NRG1: variants seen among roughly 807,000 people sequenced by gnomAD.
NRG1 encodes pro-neuregulin-1, membrane-bound isoform.
A neutral mutation model predicts 63.8 loss-of-function variants in NRG1; 18 were observed. That is an observed-to-expected ratio of 0.28 (90% CI 0.19 to 0.42). NRG1 has a LOEUF of 0.42. Among genes scored for constraint, NRG1 ranks in the 10% least tolerant of loss-of-function variants. NRG1 has a pLI of 1.00. For synonymous variants in NRG1, 302 were observed against 301.3 expected (o/e 1.00, Z -0.02); for missense variants, 762 against 814.7 (o/e 0.94, Z 0.79).
At chr8:32,155,890 TTCAAATTTATCCAC>T (rs1430245683) in intron 1 of NRG1, among the ~76,000 whole-genome samples, 2 of 152,218 alleles carry the variant, frequency 1.3e-5, no homozygotes, top group Non-Finnish European at 2.9e-5. Flanking sequence ...CCTGATGTCT[TTCAAATTTATCCAC>T]TTTTCTCTCT....
At chr8:32,356,474 A>ACCCCCCCCCCCCCCCCCCCGC (rs11426642) in intron 1 of NRG1, among the ~76,000 whole-genome samples, 1 of 69,324 alleles carries the variant, frequency 1.4e-5, no homozygotes, top group Non-Finnish European at 2.9e-5. Flanking sequence ...CCTTGTTGGG[A>ACCCCCCCCCCCCCCCCCCCGC]CCCCCCCCCC....
At chr8:32,047,538 A>T (rs1185292485) in intron 1 of NRG1, among the ~76,000 whole-genome samples, 1 of 151,990 alleles carries the variant, frequency 6.6e-6, no homozygotes, top group African/African-American at 2.4e-5. Flanking sequence ...GTATGGAAAA[A>T]TTTCCTATTA....
rs72634878 is a variant in NRG1, at chr8:32,671,923, T to C, written c.502+55038T>C. On this transcript the variant is annotated intron_variant, in intron 5 of 11. Transcript: ENST00000356819. ...CATTTTTGTGTTACTTTTCCAAACC[T>C]CCTTTTGGCACTGAATTGTACTTTA... is the stretch of plus-strand genomic sequence containing the variant. 6.0e-3 allele frequency among the ~76,000 whole-genome samples: 919 copies of C among 152,276 alleles called. 5 individuals carry two copies. Among genetic ancestry groups the C allele is most frequent in the Non-Finnish European group, 0.01 (692 of 68,012 alleles).
At chr8:32,550,001 A>G (rs1032260509) in intron 1 of NRG1, among the ~76,000 whole-genome samples, 2 of 152,218 alleles carry the variant, frequency 1.3e-5, no homozygotes, top group Non-Finnish European at 2.9e-5. Context: ...AATACTGTAG[A>G]AGTATTTGTC....
chr8:32,079,565 G>T (rs2131135450), intron 1 of NRG1, among the ~76,000 whole-genome samples: 1 of 152,200 alleles, frequency 6.6e-6, no homozygotes, highest in East Asian at 1.9e-4. Context: ...AAATGTAAAT[G>T]TTCTTTAAAA....
chr8:31,800,612 A>G (rs999361101), intron 1 of NRG1, among the ~76,000 whole-genome samples: 2 of 152,326 alleles, frequency 1.3e-5, no homozygotes, highest in South Asian at 2.1e-4. Context: ...TTGCTAAACA[A>G]ACATTTCTAA....
At chr8:31,986,474 G>A (rs1378830042) in intron 1 of NRG1, among the ~76,000 whole-genome samples, 2 of 152,086 alleles carry the variant, frequency 1.3e-5, no homozygotes, top group Non-Finnish European at 2.9e-5. Flanking sequence ...AACCGGTAAA[G>A]GGTAGAATTG....
Position 32,343,406 on chromosome 8 carries a change from T to A in NRG1, c.38-252422T>A, listed in dbSNP as rs556819771. Among the ~76,000 whole-genome samples the A allele has an allele frequency of 1.2e-3, 183 of 152,358 alleles. 1 individual carries two copies. The highest frequency in any genetic ancestry group is 4.3e-3 in the African/African-American group (180 of 41,596). ...TTTTACACCTTCAAATTTATAAACC[T>A]AGTATGAAGTCCCATCTAGACTAAC... On this transcript the variant is annotated intron_variant, in intron 1 of 10. Coordinates refer to the NRG1 transcript ENST00000519301.
In NRG1 at chr8:32,696,656, CTTTT is replaced by C. The variant is rs143232293; in HGVS notation, c.503-31274_503-31271del. 4.4e-3 allele frequency among the ~76,000 whole-genome samples: 377 copies of C among 86,570 alleles called. 3 individuals are homozygous for C. The highest frequency in any genetic ancestry group is 0.014 in the African/African-American group (332 of 23,154). The allele number at this position is 86,570 out of a possible 152,430, so 56.8% of individuals were successfully genotyped here. ...AAGGTTAAAATACAATATAATCTATCTTTTTTTTTTTTTTTTTTTTTTGACACAG... is the reference window on the plus strand; with the variant it reads ...AAGGTTAAAATACAATATAATCTATCTTTTTTTTTTTTTTTTTTGACACAG... On this transcript the variant is annotated intron_variant, in intron 5 of 11. Coordinates refer to ENST00000356819, the Ensembl canonical transcript of NRG1.
chr8:32,054,627 C>T (rs970661404), intron 1 of NRG1, among the ~76,000 whole-genome samples: 1 of 152,096 alleles, frequency 6.6e-6, no homozygotes, highest in African/African-American at 2.4e-5. Flanking sequence ...GATTTATCTG[C>T]TGTTATGGTG....
chr8:32,444,864 G>A (rs1405246063), intron 1 of NRG1, among the ~76,000 whole-genome samples: 2 of 152,208 alleles, frequency 1.3e-5, no homozygotes, highest in Non-Finnish European at 2.9e-5. Flanking sequence ...TAGAGGAAGA[G>A]ATGGGACTGA....
intron 1 of NRG1, among the ~76,000 whole-genome samples, chr8:32,103,224 C>T (rs567451268): frequency 6.6e-6 from 1 of 152,172 alleles, no homozygotes; most frequent in Non-Finnish European, 1.5e-5. Flanking sequence ...CTTCCATTCT[C>T]TATCTCCATG....
chr8:32,136,757 C>T (rs1835582632), intron 1 of NRG1: 2 of 152,056 alleles, frequency 1.3e-5, no homozygotes, highest in Admixed American at 6.6e-5. Flanking sequence ...GATAGGTAAG[C>T]CCGCATATTT....
intron 1 of NRG1, among the ~76,000 whole-genome samples, chr8:32,187,861 A>G (rs553257693): frequency 1.4e-4 from 22 of 152,278 alleles, no homozygotes; most frequent in African/African-American, 5.1e-4. Flanking sequence ...AAGACAACGT[A>G]CCCACTTAGT....
chr8:31,721,196 T>C (rs530032644), intron 1 of NRG1, among the ~76,000 whole-genome samples: 1 of 152,210 alleles, frequency 6.6e-6, no homozygotes, highest in Non-Finnish European at 1.5e-5. Context: ...ATTTTGGCTT[T>C]GTTTCTGCAT....
intron 1 of NRG1, among the ~76,000 whole-genome samples, chr8:32,054,637 G>T (rs373364420): frequency 3.1e-4 from 47 of 152,246 alleles, no homozygotes; most frequent in African/African-American, 1.0e-3. Context: ...CTGTTATGGT[G>T]TTAGGGCTAT....
At chr8:32,519,569 A>T (rs1226638506) in intron 1 of NRG1, among the ~76,000 whole-genome samples, 5 of 152,118 alleles carry the variant, frequency 3.3e-5, no homozygotes, top group Admixed American at 6.5e-5. Context: ...CACAAACCAG[A>T]TTTCCCCTGG....
chr8:31,934,631 A>G (rs10216473), intron 1 of NRG1, among the ~76,000 whole-genome samples: 3,903 of 152,092 alleles, frequency 0.026, 170 homozygotes, highest in African/African-American at 0.089. Context: ...GTTTGTTATT[A>G]TCCACGGAAA....
intron 1 of NRG1, among the ~76,000 whole-genome samples, chr8:32,404,952 C>T (rs901394802): frequency 1.3e-5 from 2 of 152,128 alleles, no homozygotes; most frequent in Non-Finnish European, 2.9e-5. Flanking sequence ...TCTTTCCCTC[C>T]CAGTTGCTCC....
Sources: allele counts gnomAD v4.1 joint callset (sites outside exome capture counted in the v4.1 genomes callset), GRCh38; gene constraint gnomAD v4.1.1; transcripts MANE v1.5; gene names NCBI Gene and HGNC (gene_info 2026-07-23, HGNC 2026-07-21).